Variants in KIAA1549 observed in about 807,000 individuals in gnomAD.
The protein encoded by KIAA1549 is UPF0606 protein KIAA1549.
KIAA1549 carries 70 observed loss-of-function variants against 156.4 expected under a neutral mutation model. That is an observed-to-expected ratio of 0.45 (90% CI 0.37 to 0.55). KIAA1549 has a LOEUF of 0.55. Among genes scored for constraint, KIAA1549 ranks in the 20% least tolerant of loss-of-function variants. The pLI is 0.00. For missense variants in KIAA1549, 2,428 were observed against 2,540.9 expected, an observed-to-expected ratio of 0.96 and a Z score of 0.96; for synonymous variants, 1,103 against 1,066.4, an observed-to-expected ratio of 1.03 and a Z score of -0.67.
chr7:138,911,632 G>C (rs549929474), intron 3 of KIAA1549, among the ~76,000 whole-genome samples: 20 of 152,142 alleles, frequency 1.3e-4, no homozygotes, highest in Admixed American at 2.0e-4. Context: ...GAGCAGCACT[G>C]TCCAAAATAA....
intron 1 of KIAA1549, among the ~76,000 whole-genome samples, chr7:138,945,823 G>A (rs905780085): frequency 2.0e-5 from 3 of 152,108 alleles, no homozygotes; most frequent in Non-Finnish European, 4.4e-5. Flanking sequence ...GTAGTTTGGA[G>A]GCTGAGACAG....
chr7:138,886,934 C>T (rs1213422575), intron 10 of KIAA1549, among the ~76,000 whole-genome samples: 3 of 151,992 alleles, frequency 2.0e-5, no homozygotes, highest in Admixed American at 2.0e-4. Flanking sequence ...TGGAGTCTCA[C>T]TCTGTTGCCC....
chr7:138,880,237 G>A (rs957602188), intron 11 of KIAA1549, among the ~76,000 whole-genome samples: 2 of 152,076 alleles, frequency 1.3e-5, no homozygotes, highest in Non-Finnish European at 2.9e-5. Flanking sequence ...ACATTCTGGT[G>A]CCCAGAAAGA....
intron 17 of KIAA1549, among the ~76,000 whole-genome samples, chr7:138,849,759 C>G (rs555316252): frequency 6.6e-6 from 1 of 152,160 alleles, no homozygotes; most frequent in Non-Finnish European, 1.5e-5. Flanking sequence ...TTGTTCCTCT[C>G]TGTGTCCATG....
intron 1 of KIAA1549, among the ~76,000 whole-genome samples, chr7:138,958,765 G>C (rs1813747925): frequency 6.6e-6 from 1 of 152,164 alleles, no homozygotes; most frequent in African/African-American, 2.4e-5. Context: ...GGGTCACTCA[G>C]CAACAATCCA....
chr7:138,857,909 G>T (rs1810439449), intron 16 of KIAA1549, among the ~76,000 whole-genome samples: 1 of 152,124 alleles, frequency 6.6e-6, no homozygotes, highest in Non-Finnish European at 1.5e-5. Context: ...GTTCTTGTAG[G>T]CAGCATATAC....
At chr7:138,890,482 A>G (rs1460970413) in intron 10 of KIAA1549, among the ~76,000 whole-genome samples, 1 of 152,234 alleles carries the variant, frequency 6.6e-6, no homozygotes, top group Non-Finnish European at 1.5e-5. Context: ...GAGACAAGGC[A>G]AAGTTATTGC....
intron 1 of KIAA1549, among the ~76,000 whole-genome samples, chr7:138,952,975 C>T (rs1813543457): frequency 2.0e-5 from 3 of 152,306 alleles, no homozygotes; most frequent in Admixed American, 6.5e-5. Context: ...TGGATTTACC[C>T]GTAAGGACAA....
At chr7:138,873,157 A>G (rs2130389358) in intron 12 of KIAA1549, among the ~76,000 whole-genome samples, 1 of 152,386 alleles carries the variant, frequency 6.6e-6, no homozygotes. Context: ...TAAGGAAAGC[A>G]CAGCATTGCT....
chr7:138,881,597 C>T lies in KIAA1549; in HGVS notation c.4033-13G>A, dbSNP rs773446006. 8.1e-6 allele frequency: 13 copies of T among 1,602,834 alleles called. No individual in the cohort carries two copies. Among genetic ancestry groups the T allele is most frequent in the Non-Finnish European group, 1.1e-5 (13 of 1,173,006 alleles). ...TAGGGATCTGCAGCTGAAACATACA[C>T]ACACACAAACAAGATTGTTAACCCG... On this transcript the variant is annotated splice_polypyrimidine_tract_variant and intron_variant, in intron 10 of 19. Coordinates refer to ENST00000422774, the MANE Select transcript of KIAA1549 (RefSeq NM_001164665.2).
In KIAA1549 at chr7:138,919,135, G is replaced by A; in HGVS notation, c.491C>T (p.Thr164Ile). ...DDEMDNFLPD[T>I]HWTTPRMVSP... is the part of the protein sequence containing the mutation. ...AACCATCCGTGGAGTGGTCCAGTGA[G>A]TATCTGGCAGAAAGTTATCCATCTC... The change falls in exon 2 of 20, where the codon ACT becomes ATT. Residue 164 changes from threonine (T) to isoleucine (I), a missense_variant. Thr to Ile is a moderately conservative substitution (Grantham distance 89). Transcript: ENST00000422774. 8 of 1,614,046 alleles carry A rather than the reference G, an allele frequency of 5.0e-6. No homozygotes were observed. The highest frequency in any genetic ancestry group is 6.8e-6 in the Non-Finnish European group (8 of 1,179,904).
intron 1 of KIAA1549, among the ~76,000 whole-genome samples, chr7:138,977,096 TA>T (rs1814402160): frequency 6.6e-6 from 1 of 152,008 alleles, no homozygotes; most frequent in African/African-American, 2.4e-5. Context: ...ATAAATGCAA[TA>T]AAAAAATTAT....
intron 18 of KIAA1549, 121 bp downstream of exon 18, chr7:138,844,196 C>T (rs1810002211): frequency 7.1e-6 from 8 of 1,130,214 alleles, no homozygotes; most frequent in African/African-American, 6.1e-5. Context: ...TGAGGGGAAA[C>T]AGCCCTGAAA....
At chr7:138,913,274 G>A (rs1032633240) in intron 2 of KIAA1549, among the ~76,000 whole-genome samples, 4 of 152,080 alleles carry the variant, frequency 2.6e-5, no homozygotes, top group African/African-American at 7.2e-5. Context: ...TCAAGGCAAA[G>A]GTGAAGAGTT....
At chr7:138,955,787 T>C (rs186520753) in intron 1 of KIAA1549, among the ~76,000 whole-genome samples, 24 of 152,346 alleles carry the variant, frequency 1.6e-4, no homozygotes, top group Non-Finnish European at 3.1e-4. Flanking sequence ...TTCTGTACTT[T>C]CCAAAGTACC....
In KIAA1549 at chr7:138,833,733, C is replaced by T. The variant is rs1257898118; in HGVS notation, c.*4173G>A. On this transcript the variant is annotated 3_prime_UTR_variant, in exon 20 of 20. Transcript: ENST00000422774. ...CCACAAAGGATATGGCGTGGCCAAA[C>T]GGCTGCTTGAGATCTGCTCTAAACA... 1.3e-5 allele frequency: 3 copies of T among 232,888 alleles called. No individual in the cohort carries two copies. Among genetic ancestry groups the T allele is most frequent in the Non-Finnish European group, 2.5e-5 (3 of 117,912 alleles). 14.4% of individuals were successfully genotyped at this position (232,888 alleles called of 1,614,324 possible).
rs562706073 is a variant in KIAA1549, at chr7:138,976,565, GTTA to G, written c.187+4515_187+4517del. 5.4e-4 allele frequency among the ~76,000 whole-genome samples: 82 copies of G among 152,158 alleles called. No homozygotes were observed. The East Asian group carries it at 0.015, about 28-fold the overall frequency. On this transcript the variant is annotated intron_variant, in intron 1 of 19. Coordinates refer to ENST00000422774, the MANE Select transcript of KIAA1549 (RefSeq NM_001164665.2). ...TAGACTGTTAGAACTGTTCTGTTTT[GTTA>G]TTATTGTTAATCTCTTACTGTGCCT...
At chr7:138,907,334 C>T (rs1457157602) in intron 5 of KIAA1549, among the ~76,000 whole-genome samples, 2 of 152,176 alleles carry the variant, frequency 1.3e-5, no homozygotes, top group Non-Finnish European at 2.9e-5. Context: ...CAGCTCCTCC[C>T]ACCCCAAATG....
At chr7:138,955,589 TG>T (rs34422286) in intron 1 of KIAA1549, among the ~76,000 whole-genome samples, 40,111 of 151,998 alleles carry the variant, frequency 0.26, 5,811 homozygotes, top group African/African-American at 0.39. Context: ...TATCATGGCA[TG>T]AAAATGTTTA....
Sources: allele counts gnomAD v4.1 joint callset (sites outside exome capture counted in the v4.1 genomes callset), GRCh38; gene constraint gnomAD v4.1.1; transcripts MANE v1.5; gene names NCBI Gene and HGNC (gene_info 2026-07-23, HGNC 2026-07-21).